Variants in RBFOX1 observed in about 807,000 individuals in gnomAD.
RBFOX1 encodes RNA binding protein fox-1 homolog 1.
RBFOX1 carries 8 observed loss-of-function variants against 57.7 expected under a neutral mutation model. That is an observed-to-expected ratio of 0.14 (90% CI 0.08 to 0.25). The LOEUF (loss-of-function observed/expected upper bound fraction) is 0.25, where lower values mean the gene tolerates loss of function less well. Among genes scored for constraint, RBFOX1 ranks in the 10% least tolerant of loss-of-function variants. The probability of loss-of-function intolerance (pLI) is 1.00; values close to 1 mark genes in which losing one functional copy is unlikely to be tolerated. For synonymous variants in RBFOX1, 326 were observed against 222.4 expected (o/e 1.47, Z -4.15); for missense variants, 611 against 548.5 (o/e 1.11, Z -1.14).
chr16:7,383,001 G>A (rs74012513), intron 4 of RBFOX1, among the ~76,000 whole-genome samples: 2,473 of 152,230 alleles, frequency 0.016, 77 homozygotes, highest in African/African-American at 0.056. Flanking sequence ...CATTAAACTT[G>A]ACATATGGTA....
At chr16:6,834,694 T>A (rs2092957655) in intron 3 of RBFOX1, among the ~76,000 whole-genome samples, 1 of 152,156 alleles carries the variant, frequency 6.6e-6, no homozygotes, top group Admixed American at 6.5e-5. Flanking sequence ...AATATTGTTG[T>A]CATGCTAAGT....
chr16:5,279,740 G>T (rs1038646258), intron 1 of RBFOX1, among the ~76,000 whole-genome samples: 2 of 152,120 alleles, frequency 1.3e-5, no homozygotes, highest in African/African-American at 2.4e-5. Flanking sequence ...AACCTCAGGT[G>T]ATCCACCCAC....
chr16:6,942,807 C>G (rs943345788), intron 3 of RBFOX1, among the ~76,000 whole-genome samples: 13 of 152,150 alleles, frequency 8.5e-5, no homozygotes, highest in African/African-American at 2.9e-4. Flanking sequence ...CCAAGTCATT[C>G]TCAGAAAAGA....
At chr16:5,789,836 C>G (rs539326434) in intron 3 of RBFOX1, among the ~76,000 whole-genome samples, 8 of 152,294 alleles carry the variant, frequency 5.3e-5, no homozygotes, top group African/African-American at 1.9e-4. Context: ...CTGAATTCAC[C>G]ATACACCATG....
rs193192681 is a variant in RBFOX1 at position 6,665,484 on chromosome 16, G to A, written c.-16+10834G>A. Among the ~76,000 whole-genome samples, 194 of 152,114 alleles carry A rather than the reference G, an allele frequency of 1.3e-3. 1 individual carries two copies. The highest frequency in any genetic ancestry group is 4.3e-3 in the African/African-American group (180 of 41,482). ...AAAAATATAAAAAAATATTAGCCAGGCATAGTGACAGGCACCTGTAATCGC... is the reference window on the plus strand; with the variant it reads ...AAAAATATAAAAAAATATTAGCCAGACATAGTGACAGGCACCTGTAATCGC... On this transcript the variant is annotated intron_variant, in intron 3 of 15. Transcript: ENST00000550418.
intron 4 of RBFOX1, among the ~76,000 whole-genome samples, chr16:7,187,650 C>T (rs1332678234): frequency 1.5e-5 from 2 of 129,688 alleles, no homozygotes; most frequent in East Asian, 5.2e-4. Flanking sequence ...GATCGTGCCA[C>T]TGCAGTCCAG....
In RBFOX1 at chr16:6,231,234, G is replaced by A. The variant is rs202084974; in HGVS notation, c.-126-85761G>A. Among the ~76,000 whole-genome samples the A allele has an allele frequency of 1.0e-4, 9 of 88,790 alleles. No individual in the cohort carries two copies. The East Asian group carries it at 1.3e-3, about 12-fold the overall frequency. 58.2% of individuals were successfully genotyped at this position (88,790 alleles called of 152,430 possible). ...TATGTGTTTGTGTGTGTGTGTGTGT[G>A]TGTAGGTGTGTGTGTGTGTGTGTGT... On this transcript the variant is annotated intron_variant, in intron 1 of 15. Coordinates refer to ENST00000550418, the MANE Select transcript of RBFOX1 (RefSeq NM_018723.4).
chr16:6,299,746 CT>C (rs1440944461), intron 1 of RBFOX1, among the ~76,000 whole-genome samples: 1 of 152,150 alleles, frequency 6.6e-6, no homozygotes, highest in African/African-American at 2.4e-5. Flanking sequence ...CTGGCGTCTG[CT>C]GGGTCTCAGT....
At chr16:7,570,098 C>T (rs569426036) in intron 5 of RBFOX1, among the ~76,000 whole-genome samples, 42 of 150,316 alleles carry the variant, frequency 2.8e-4, no homozygotes, top group African/African-American at 9.8e-4. Context: ...ATATCTTTTA[C>T]ATGATAGCAT....
intron 2 of RBFOX1, among the ~76,000 whole-genome samples, chr16:6,563,628 G>C (rs1484994245): frequency 6.6e-6 from 1 of 152,104 alleles, no homozygotes; most frequent in East Asian, 1.9e-4. Flanking sequence ...CAGATTGTTT[G>C]AGCTCAGGGG....
In RBFOX1 at chr16:7,009,458, A is replaced by G. The variant is rs181880741; in HGVS notation, c.-15-42599A>G. On this transcript the variant is annotated intron_variant, in intron 3 of 15. Coordinates refer to ENST00000550418, the MANE Select transcript of RBFOX1 (RefSeq NM_018723.4). Reference sequence around the variant, plus strand: ...CCCTGCAGATCACTAACACACGGCCATAGGAATATATTGACTGCAGCCCAA... The same window carrying G: ...CCCTGCAGATCACTAACACACGGCCGTAGGAATATATTGACTGCAGCCCAA... Among the ~76,000 whole-genome samples, 762 of 152,130 alleles carry G rather than the reference A, an allele frequency of 5.0e-3. 20 individuals carry two copies. Among genetic ancestry groups the G allele is most frequent in the Admixed American group, 0.041 (623 of 15,262 alleles).
intron 3 of RBFOX1, among the ~76,000 whole-genome samples, chr16:5,866,504 T>C (rs2057345975): frequency 6.6e-6 from 1 of 152,170 alleles, no homozygotes; most frequent in African/African-American, 2.4e-5. Flanking sequence ...GAAAGCTTCT[T>C]AAGAGTTATC....
At chr16:5,668,619 T>C (rs936741337) in intron 3 of RBFOX1, among the ~76,000 whole-genome samples, 1 of 152,216 alleles carries the variant, frequency 6.6e-6, no homozygotes, top group African/African-American at 2.4e-5. Flanking sequence ...GACAGGTAGG[T>C]GTGTTATGCA....
At chr16:7,358,832 G>C (rs771438451) in intron 4 of RBFOX1, among the ~76,000 whole-genome samples, 6 of 152,182 alleles carry the variant, frequency 3.9e-5, no homozygotes, top group Non-Finnish European at 5.9e-5. Flanking sequence ...ATGTGCTCAC[G>C]ATGACTTATC....
At chr16:6,265,503 C>G (rs1459993949) in intron 1 of RBFOX1, among the ~76,000 whole-genome samples, 1 of 152,138 alleles carries the variant, frequency 6.6e-6, no homozygotes, top group Non-Finnish European at 1.5e-5. Context: ...CTCAAGTGAT[C>G]CACCCACCTC....
At chr16:7,638,873 A>C (rs1264591341) in intron 11 of RBFOX1, among the ~76,000 whole-genome samples, 2 of 152,104 alleles carry the variant, frequency 1.3e-5, no homozygotes, top group Non-Finnish European at 2.9e-5. Context: ...TCTTACTTAA[A>C]AGGACAGAAC....
At chr16:6,318,155 G>C (rs1487973235) in intron 2 of RBFOX1, among the ~76,000 whole-genome samples, 2 of 152,058 alleles carry the variant, frequency 1.3e-5, no homozygotes, top group Non-Finnish European at 2.9e-5. Context: ...TAAAAAGATG[G>C]TGTATTAGCT....
At chr16:5,798,692 T>C (rs2054961267) in intron 3 of RBFOX1, among the ~76,000 whole-genome samples, 1 of 152,258 alleles carries the variant, frequency 6.6e-6, no homozygotes, top group Admixed American at 6.5e-5. Flanking sequence ...ACCTTCTGTT[T>C]ACTTTTTAAA....
chr16:5,261,097 T>C (rs2062720565), intron 1 of RBFOX1: 1 of 152,238 alleles, frequency 6.6e-6, no homozygotes, highest in Non-Finnish European at 1.5e-5. Flanking sequence ...AGAAGTTATA[T>C]ATTTAAAACC....
Sources: gnomAD v4.1 joint callset for allele counts (sites outside exome capture counted in the v4.1 genomes callset) on GRCh38, gnomAD v4.1.1 for gene constraint, MANE v1.5 for transcripts, NCBI Gene and HGNC (gene_info 2026-07-23, HGNC 2026-07-21) for gene names.